Variants in PRDM15 observed in about 807,000 individuals in gnomAD.
PRDM15 encodes PR/SET domain 15.
In PRDM15, 64 loss-of-function variants were observed where a neutral mutation model predicts 128.6. That is an observed-to-expected ratio of 0.50 (90% CI 0.41 to 0.61). The LOEUF is 0.61. Ranked by LOEUF, PRDM15 falls within the 20% of genes least tolerant of loss-of-function variation. The probability of loss-of-function intolerance (pLI) is 0.00; values close to 1 mark genes in which losing one functional copy is unlikely to be tolerated. For synonymous variants in PRDM15, 615 were observed against 621.8 expected, an observed-to-expected ratio of 0.99 and a Z score of 0.16; for missense variants, 1,242 against 1,569.1, an observed-to-expected ratio of 0.79 and a Z score of 3.52.
In PRDM15 at chr21:41,859,564, G is replaced by A. The variant is rs775946347; in HGVS notation, c.131+28C>T. On this transcript the variant is annotated intron_variant, in intron 3 of 23. Transcript: ENST00000398548. This position sits in a 1 kb window ranked among gnomAD's most constrained non-coding sequence, Gnocchi z 5.3. ...CTCCTGCCGCAGCTGGCATATGGAA[G>A]GCCCGGGAGCTCACGGCGGTCACTC... is the stretch of plus-strand genomic sequence containing the variant. The A allele has an allele frequency of 1.3e-6, 2 of 1,587,262 alleles. No homozygotes were observed. The highest frequency in any genetic ancestry group is 1.3e-5 in the African/African-American group (1 of 74,300).
At position 41,799,661 on chromosome 21, in the gene PRDM15, C is replaced by G. The variant is rs1009211398; in HGVS notation, c.*1579G>C. 1 of 152,338 alleles carries G rather than the reference C, an allele frequency of 6.6e-6. No individual in the cohort carries two copies. The highest frequency in any genetic ancestry group is 2.4e-5 in the African/African-American group (1 of 41,450). The allele number at this position is 152,338 out of a possible 1,614,324, so 9.4% of individuals were successfully genotyped here. ...TTGGAGTGAAGTGCTGAGAAAGTTGCGTTTTGAAAAACACAATCATCCTTT... is the reference window on the plus strand; with the variant it reads ...TTGGAGTGAAGTGCTGAGAAAGTTGGGTTTTGAAAAACACAATCATCCTTT... On this transcript the variant is annotated 3_prime_UTR_variant, in exon 24 of 24. Coordinates refer to ENST00000398548, the MANE Select transcript of PRDM15 (RefSeq NM_001040424.3).
chr21:41,824,117 A>G (rs28501984), intron 13 of PRDM15, among the ~76,000 whole-genome samples: 53,440 of 152,110 alleles, frequency 0.35, 9,628 homozygotes, highest in East Asian at 0.57. Context: ...CTGGATGGCT[A>G]TTCCCAGCGG....
intron 6 of PRDM15, among the ~76,000 whole-genome samples, chr21:41,842,412 G>C (rs933841026): frequency 6.6e-6 from 1 of 152,172 alleles, no homozygotes; most frequent in Non-Finnish European, 1.5e-5. Context: ...CTATTTTGGG[G>C]TAAATCAATA....
chr21:41,858,924 G>T, intron 3 of PRDM15: 1 of 828,196 alleles, frequency 1.2e-6, no homozygotes, highest in Non-Finnish European at 1.9e-6. Context: ...TGCAGCGGCA[G>T]CACGTGCCAG....
At chr21:41,858,380 G>C (rs1245322284) in intron 3 of PRDM15, among the ~76,000 whole-genome samples, 1 of 151,994 alleles carries the variant, frequency 6.6e-6, no homozygotes, top group Non-Finnish European at 1.5e-5. Flanking sequence ...TGGGTGCCCA[G>C]AGCACAGGCC....
At chr21:41,818,513 A>G (rs1309504753) in intron 18 of PRDM15, among the ~76,000 whole-genome samples, 1 of 152,166 alleles carries the variant, frequency 6.6e-6, no homozygotes, top group Non-Finnish European at 1.5e-5. Context: ...AGGAGGGGCA[A>G]GAGCCTGTGC....
intron 11 of PRDM15, among the ~76,000 whole-genome samples, chr21:41,830,731 A>C (rs918141520): frequency 2.6e-5 from 4 of 152,124 alleles, no homozygotes; most frequent in Non-Finnish European, 5.9e-5. Flanking sequence ...ACACAGCCAC[A>C]CACAGTCCAT....
At chr21:41,803,147 T>C in intron 22 of PRDM15, 1 of 573,804 alleles carries the variant, frequency 1.7e-6, no homozygotes, top group East Asian at 2.9e-5. Context: ...GCAAGTCATA[T>C]TTTTAAAAGT....
At chr21:41,858,645 C>T (rs993982212) in intron 3 of PRDM15, among the ~76,000 whole-genome samples, 4 of 152,312 alleles carry the variant, frequency 2.6e-5, no homozygotes, top group African/African-American at 4.8e-5. Flanking sequence ...CCCCTCAGGG[C>T]GGGCAGGAGG....
chr21:41,826,703 G>GT (rs768508791), intron 12 of PRDM15, among the ~76,000 whole-genome samples: 11 of 152,176 alleles, frequency 7.2e-5, no homozygotes, highest in Non-Finnish European at 1.2e-4. Context: ...CTGGCCAGGT[G>GT]TAAGTGCAGA....
chr21:41,803,178 A>G (rs2838129), intron 22 of PRDM15: 71,187 of 529,060 alleles, frequency 0.13, 5,774 homozygotes, highest in East Asian at 0.28. Flanking sequence ...GCTAAAATGT[A>G]AACACTTCTT....
At chr21:41,867,779 T>C (rs1395342518) in intron 1 of PRDM15, among the ~76,000 whole-genome samples, 1 of 152,166 alleles carries the variant, frequency 6.6e-6, no homozygotes, top group Non-Finnish European at 1.5e-5. Context: ...TCACATAGGC[T>C]GGCACAGTGG....
intron 11 of PRDM15, 83 bp downstream of exon 11, chr21:41,835,354 G>C: frequency 9.2e-7 from 1 of 1,082,048 alleles, no homozygotes; most frequent in Non-Finnish European, 1.4e-6. Flanking sequence ...TCTTTACTTT[G>C]GCCTAAAGTT....
At chr21:41,867,323 A>C in intron 1 of PRDM15, 1 of 1,613,692 alleles carries the variant, frequency 6.2e-7, no homozygotes, top group Non-Finnish European at 8.5e-7. Context: ...AATCTTCCCC[A>C]GGGCTGGGGG....
At chr21:41,802,600 G>T in intron 23 of PRDM15, 112 bp downstream of exon 23, 1 of 876,934 alleles carries the variant, frequency 1.1e-6, no homozygotes, top group Non-Finnish European at 1.9e-6. Flanking sequence ...ACCACATGAA[G>T]TCCACATGTA....
intron 11 of PRDM15, chr21:41,834,362 G>T: frequency 1.4e-6 from 1 of 734,034 alleles, no homozygotes; most frequent in Non-Finnish European, 2.4e-6. Flanking sequence ...CGACAGCCCT[G>T]GTCAGAGCCC....
At chr21:41,860,651 G>C (rs2063782560) in intron 1 of PRDM15, among the ~76,000 whole-genome samples, 1 of 152,180 alleles carries the variant, frequency 6.6e-6, no homozygotes, top group Non-Finnish European at 1.5e-5. Context: ...TCGATCTCTT[G>C]ACCTTGTGAT....
intron 1 of PRDM15, chr21:41,861,538 C>A (rs766420396): frequency 1.4e-5 from 22 of 1,551,622 alleles, no homozygotes; most frequent in African/African-American, 1.1e-4. Flanking sequence ...TCCTCTGCCC[C>A]CCCCCAATCC....
chr21:41,818,908 A>G (rs948038970), intron 18 of PRDM15, among the ~76,000 whole-genome samples: 5 of 152,188 alleles, frequency 3.3e-5, no homozygotes, highest in African/African-American at 7.2e-5. Context: ...GTTACAATGA[A>G]GATTCCTCGG....
Sources: gnomAD v4.1 joint callset for allele counts (sites outside exome capture counted in the v4.1 genomes callset) on GRCh38, gnomAD v4.1.1 for gene constraint, Gnocchi (gnomAD v3.1) non-coding constraint, MANE v1.5 for transcripts, NCBI Gene and HGNC (gene_info 2026-07-23, HGNC 2026-07-21) for gene names.